DPP6: variants seen among roughly 807,000 people sequenced by gnomAD.
The protein encoded by DPP6 is dipeptidyl peptidase like 6.
Under a neutral mutation model 122.6 loss-of-function variants are expected in DPP6, and 69 were observed. That is an observed-to-expected ratio of 0.56 (90% CI 0.46 to 0.69). The LOEUF (loss-of-function observed/expected upper bound fraction) is 0.69. DPP6 is among the 30% of genes least tolerant of loss of function. The pLI, the probability that DPP6 is intolerant of heterozygous loss-of-function variation, is 0.00. For synonymous variants in DPP6, 418 were observed against 433.1 expected, an observed-to-expected ratio of 0.97 and a Z score of 0.43; for missense variants, 928 against 1,116.9, an observed-to-expected ratio of 0.83 and a Z score of 2.41.
In DPP6 at chr7:154,126,090, A is replaced by T. The variant is rs1266586681; in HGVS notation, c.243+73027A>T. Among the ~76,000 whole-genome samples, 2 of 152,248 alleles carry T rather than the reference A, an allele frequency of 1.3e-5. 1 individual carries two copies. Among genetic ancestry groups the T allele is most frequent in the African/African-American group, 4.8e-5 (2 of 41,466 alleles). ...GGATATTGAATCAGAAAGGTATTAG[A>T]GAAAGGGCTATTCATGGTGTAGGGA... is the stretch of plus-strand genomic sequence containing the variant. On this transcript the variant is annotated intron_variant, in intron 1 of 25. Coordinates refer to ENST00000377770, the MANE Select transcript of DPP6 (RefSeq NM_130797.4).
intron 1 of DPP6, among the ~76,000 whole-genome samples, chr7:154,030,199 G>T (rs1213835469): frequency 6.6e-6 from 1 of 152,158 alleles, no homozygotes; most frequent in Non-Finnish European, 1.5e-5. Context: ...CTGTCTAAAA[G>T]AAATTAAATA....
chr7:154,649,882 CA>C (rs1836759671), intron 6 of DPP6, among the ~76,000 whole-genome samples: 1 of 152,206 alleles, frequency 6.6e-6, no homozygotes, highest in Non-Finnish European at 1.5e-5. Flanking sequence ...CCTGGGCACT[CA>C]CCTCAGGAGT....
At chr7:154,082,450 G>T (rs1007586525) in intron 1 of DPP6, among the ~76,000 whole-genome samples, 4 of 151,974 alleles carry the variant, frequency 2.6e-5, no homozygotes, top group South Asian at 2.1e-4. Context: ...GAGTAATACT[G>T]CTGAGAGTCA....
At chr7:154,621,558 G>A (rs1369189776) in intron 5 of DPP6, among the ~76,000 whole-genome samples, 3 of 96,020 alleles carry the variant, frequency 3.1e-5, no homozygotes, top group African/African-American at 9.1e-5. Context: ...TAGTAGAGAC[G>A]GTTTCGCCAT....
At chr7:154,638,076 C>A (rs567717355) in intron 6 of DPP6, among the ~76,000 whole-genome samples, 3 of 152,168 alleles carry the variant, frequency 2.0e-5, no homozygotes, top group Non-Finnish European at 4.4e-5. Context: ...CCACTCACTT[C>A]CCCATTTGTG....
In DPP6 at chr7:154,748,016, G is replaced by C. The variant is rs555902713; in HGVS notation, c.883+20129G>C. On this transcript the variant is annotated intron_variant, in intron 8 of 25. Transcript: ENST00000377770. ...GTACAAGCTGTCAGCTGACAATAAT[G>C]TCTGAATAACATCAGTTTGGTTTGC... 2.0e-5 allele frequency among the ~76,000 whole-genome samples: 3 copies of C among 152,308 alleles called. No homozygotes were observed. In the East Asian group the frequency reaches 5.8e-4, roughly 29 times the overall value.
At chr7:154,251,804 T>TGTA (rs5888564) in intron 1 of DPP6, among the ~76,000 whole-genome samples, 109,028 of 151,810 alleles carry the variant, frequency 0.72, 40,666 homozygotes, top group African/African-American at 0.93. Flanking sequence ...CCTGCCTTAC[T>TGTA]GCCATGCTGG....
At chr7:154,522,865 G>C (rs185707110) in intron 3 of DPP6, among the ~76,000 whole-genome samples, 211 of 152,246 alleles carry the variant, frequency 1.4e-3, no homozygotes, top group African/African-American at 4.9e-3. Context: ...TCCCACCTTC[G>C]GTATCTCCCA....
intron 6 of DPP6, among the ~76,000 whole-genome samples, chr7:154,650,846 G>T (rs1255896131): frequency 6.6e-6 from 1 of 152,186 alleles, no homozygotes; most frequent in Non-Finnish European, 1.5e-5. Flanking sequence ...ATGGATGAAG[G>T]CCGTCCTACC....
intron 7 of DPP6, among the ~76,000 whole-genome samples, chr7:154,670,737 C>A (rs3807220): frequency 6.6e-6 from 1 of 152,174 alleles, no homozygotes; most frequent in Admixed American, 6.5e-5. Flanking sequence ...AAAGCTCCCA[C>A]AGAATTGTAT....
At chr7:154,690,611 C>T (rs1253112099) in intron 7 of DPP6, among the ~76,000 whole-genome samples, 1 of 152,080 alleles carries the variant, frequency 6.6e-6, no homozygotes, top group African/African-American at 2.4e-5. Context: ...GAGAGGACTG[C>T]AACCCAAACC....
upstream of DPP6, among the ~76,000 whole-genome samples, chr7:154,051,205 C>A (rs560505110): frequency 4.6e-3 from 569 of 123,016 alleles, 24 homozygotes; most frequent in African/African-American, 0.016. Flanking sequence ...GAAGCCAACG[C>A]CCTACCTCCA....
At chr7:154,757,462 G>T (rs1795202121) in intron 8 of DPP6, among the ~76,000 whole-genome samples, 1 of 152,252 alleles carries the variant, frequency 6.6e-6, no homozygotes, top group South Asian at 2.1e-4. Flanking sequence ...GCAGAACCAA[G>T]ATGGGATCAA....
At chr7:154,822,340 G>A (rs1443124891) in intron 16 of DPP6, among the ~76,000 whole-genome samples, 1 of 152,212 alleles carries the variant, frequency 6.6e-6, no homozygotes, top group Non-Finnish European at 1.5e-5. Context: ...TCTGGTGAGG[G>A]CGTGCTATCT....
intron 1 of DPP6, among the ~76,000 whole-genome samples, chr7:154,062,085 A>G (rs1316626615): frequency 2.0e-5 from 2 of 99,644 alleles, no homozygotes; most frequent in Non-Finnish European, 4.2e-5. Flanking sequence ...GGCTCTTAGG[A>G]CCCCCATCGC....
intron 16 of DPP6, among the ~76,000 whole-genome samples, chr7:154,823,167 C>G (rs1290095467): frequency 6.6e-6 from 1 of 151,750 alleles, no homozygotes; most frequent in Non-Finnish European, 1.5e-5. Flanking sequence ...TTTTTTTGCC[C>G]TCGTTTATAA....
At chr7:154,622,497 T>C (rs1159450683) in intron 5 of DPP6, among the ~76,000 whole-genome samples, 1 of 152,210 alleles carries the variant, frequency 6.6e-6, no homozygotes, top group Non-Finnish European at 1.5e-5. Flanking sequence ...CACTGGCTTT[T>C]TAGAATTACT....
At position 154,030,998 on chromosome 7, in the gene DPP6, G is replaced by A. The variant is rs181676356; in HGVS notation, c.51+143264G>A. Among the ~76,000 whole-genome samples, 252 of 151,980 alleles carry A rather than the reference G, an allele frequency of 1.7e-3. 1 individual carries two copies. Among genetic ancestry groups the A allele is most frequent in the African/African-American group, 5.7e-3 (235 of 41,434 alleles). On this transcript the variant is annotated intron_variant, in intron 1 of 25. Coordinates refer to the DPP6 transcript ENST00000404039. ...CATCTGGTTACTTTTAGCTCTAAAC[G>A]TTGGTTACTAGCTCAGCCCACCAAG...
the DPP6 span, among the ~76,000 whole-genome samples, chr7:153,816,546 T>G: frequency 2.0e-5 from 3 of 152,176 alleles, no homozygotes; most frequent in African/African-American, 4.8e-5. Flanking sequence ...CAGATATAAT[T>G]AAATCCCCTC....
Sources: gnomAD v4.1 joint callset for allele counts (sites outside exome capture counted in the v4.1 genomes callset) on GRCh38, gnomAD v4.1.1 for gene constraint, MANE v1.5 for transcripts, NCBI Gene and HGNC (gene_info 2026-07-23, HGNC 2026-07-21) for gene names.